The following PARD3B variants were observed in gnomAD, a reference collection of about 807,000 sequenced individuals.
The protein encoded by PARD3B is par-3 family cell polarity regulator beta.
A neutral mutation model predicts 130.2 loss-of-function variants in PARD3B; 103 were observed. That is an observed-to-expected ratio of 0.79 (90% confidence interval 0.67 to 0.93). PARD3B has a LOEUF of 0.93. Among genes scored for constraint, PARD3B ranks in the 40% least tolerant of loss-of-function variants. PARD3B has a pLI of 0.00. For missense variants in PARD3B, 1,609 were observed against 1,499.2 expected (o/e 1.07, Z -1.21); for synonymous variants, 583 against 553.2 (o/e 1.05, Z -0.76).
chr2:205,606,920 A>T (rs567883383), intron 22 of PARD3B, among the ~76,000 whole-genome samples: 2 of 152,226 alleles, frequency 1.3e-5, no homozygotes, highest in East Asian at 3.9e-4. Flanking sequence ...CTTGAGAGAA[A>T]TGTAGGCTCC....
intron 20 of PARD3B, among the ~76,000 whole-genome samples, chr2:205,451,667 A>G (rs2106197284): frequency 6.7e-6 from 1 of 148,172 alleles, no homozygotes; most frequent in Admixed American, 6.7e-5. Context: ...TTTATTTTTA[A>G]TTTTTGTGAT....
intron 1 of PARD3B, among the ~76,000 whole-genome samples, chr2:204,622,621 G>A (rs1216574735): frequency 1.3e-5 from 2 of 151,032 alleles, no homozygotes; most frequent in Non-Finnish European, 3.0e-5. Context: ...CTATTATATA[G>A]CCGTATTTAT....
rs1196043383 is a variant in PARD3B, at chr2:205,128,065, ACT to A, written c.1434+2332_1434+2333del. On this transcript the variant is annotated intron_variant, in intron 10 of 22. Coordinates refer to ENST00000406610, the MANE Select transcript of PARD3B (RefSeq NM_001302769.2). The surrounding 1 kb of genome is among the most constrained non-coding windows in gnomAD (Gnocchi z 4.5). Reference sequence around the variant, plus strand: ...GATATTTAGGTTGTTAGAAATAAAAACTCTCCAAAATCCTCAGTGGAACTATG... The same window carrying A: ...GATATTTAGGTTGTTAGAAATAAAAACTCCAAAATCCTCAGTGGAACTATG... Among the ~76,000 whole-genome samples, 1 of 152,160 alleles carries A rather than the reference ACT, an allele frequency of 6.6e-6. No individual in the cohort carries two copies. The highest frequency in any genetic ancestry group is 1.5e-5 in the Non-Finnish European group (1 of 68,036).
rs1240048242 is a variant in PARD3B, at chr2:205,616,147, T to C, written c.*334T>C. Reference sequence around the variant, plus strand: ...GGAACTCTACTCTGGGGATCCTCTCTGGCTAGATAACCTGTGCTGATGTGC... The same window carrying C: ...GGAACTCTACTCTGGGGATCCTCTCCGGCTAGATAACCTGTGCTGATGTGC... On this transcript the variant is annotated 3_prime_UTR_variant, in exon 23 of 23. Coordinates refer to ENST00000406610, the MANE Select transcript of PARD3B (RefSeq NM_001302769.2). 3.8e-6 allele frequency: 1 copy of C among 266,626 alleles called. No individual in the cohort carries two copies. The highest frequency in any genetic ancestry group is 9.0e-5 in the East Asian group (1 of 11,138). 16.5% of individuals were successfully genotyped at this position (266,626 alleles called of 1,614,324 possible).
intron 18 of PARD3B, among the ~76,000 whole-genome samples, chr2:205,364,932 T>C (rs1327321476): frequency 1.3e-5 from 2 of 152,178 alleles, no homozygotes; most frequent in African/African-American, 2.4e-5. Flanking sequence ...CCGGGTGTGG[T>C]GGCTCACGCC....
intron 15 of PARD3B, among the ~76,000 whole-genome samples, chr2:205,210,183 A>G (rs1346754906): frequency 6.6e-6 from 1 of 152,004 alleles, no homozygotes; most frequent in East Asian, 1.9e-4. Flanking sequence ...CTCAGCAACA[A>G]AGCAAGACCC....
intron 18 of PARD3B, among the ~76,000 whole-genome samples, chr2:205,320,826 C>G (rs142630250): frequency 2.6e-5 from 4 of 152,310 alleles, no homozygotes. Context: ...GAAAGTCTAG[C>G]TGGGCCAATA....
intron 11 of PARD3B, among the ~76,000 whole-genome samples, chr2:205,162,640 C>A (rs2125721639): frequency 6.6e-6 from 1 of 152,304 alleles, no homozygotes; most frequent in Non-Finnish European, 1.5e-5. Flanking sequence ...GTTACGACAT[C>A]CATGAGAATG....
At chr2:205,560,746 G>C (rs11675804) in intron 22 of PARD3B, among the ~76,000 whole-genome samples, 75,548 of 152,038 alleles carry the variant, frequency 0.5, 20,545 homozygotes, top group Middle Eastern at 0.69. Flanking sequence ...AGGTCTCTCT[G>C]AATATCTCAA....
chr2:205,036,854 G>C (rs144348076), intron 3 of PARD3B, among the ~76,000 whole-genome samples: 4 of 150,742 alleles, frequency 2.7e-5, no homozygotes, highest in African/African-American at 9.7e-5. Flanking sequence ...ATATATAGTG[G>C]ACTGTATATG....
At chr2:204,905,420 T>G (rs1163370714) in intron 2 of PARD3B, among the ~76,000 whole-genome samples, 1 of 152,226 alleles carries the variant, frequency 6.6e-6, no homozygotes, top group East Asian at 1.9e-4. Context: ...CATTTTTCTT[T>G]AAATGTGTTA....
At chr2:205,008,469 T>G (rs1695454308) in intron 3 of PARD3B, among the ~76,000 whole-genome samples, 1 of 152,178 alleles carries the variant, frequency 6.6e-6, no homozygotes, top group Non-Finnish European at 1.5e-5. Context: ...TGCCTTTCAC[T>G]GCCCTCAACA....
Position 205,187,603 on chromosome 2 carries a change from A to C in PARD3B, c.2024+1740A>C, listed in dbSNP as rs1257954457. ...CCTTCAAGGGAGAGAGGTGGTTCAG[A>C]GATCACCTGGGATTTAGCAACTGTC... On this transcript the variant is annotated intron_variant, in intron 14 of 22. Transcript: ENST00000406610. This position sits in a 1 kb window ranked among gnomAD's most constrained non-coding sequence, Gnocchi z 4.9. 6.6e-6 allele frequency among the ~76,000 whole-genome samples: 1 copy of C among 152,210 alleles called. No homozygotes were observed. Among genetic ancestry groups the C allele is most frequent in the Non-Finnish European group, 1.5e-5 (1 of 68,042 alleles).
At chr2:205,539,379 G>A (rs1454505569) in intron 21 of PARD3B, among the ~76,000 whole-genome samples, 1 of 152,164 alleles carries the variant, frequency 6.6e-6, no homozygotes, top group Admixed American at 6.5e-5. Context: ...TAATATGTAT[G>A]TAGGAACTAG....
At chr2:205,577,443 A>T (rs1293620136) in intron 22 of PARD3B, among the ~76,000 whole-genome samples, 1 of 152,204 alleles carries the variant, frequency 6.6e-6, no homozygotes, top group Non-Finnish European at 1.5e-5. Context: ...TTAACCTTAA[A>T]AGTGTGGTAG....
At chr2:204,735,977 A>G (rs996657977) in intron 2 of PARD3B, among the ~76,000 whole-genome samples, 4 of 152,312 alleles carry the variant, frequency 2.6e-5, no homozygotes, top group South Asian at 4.1e-4. Context: ...TGAAATATAA[A>G]TATACCCTTC....
chr2:205,115,106 T>G (rs1396475705), intron 6 of PARD3B, among the ~76,000 whole-genome samples: 1 of 152,138 alleles, frequency 6.6e-6, no homozygotes, highest in Non-Finnish European at 1.5e-5. Flanking sequence ...AAATATACAG[T>G]GTGACAGTCA....
At position 204,953,056 on chromosome 2, in the gene PARD3B, G is replaced by A. The variant is rs1024153809; in HGVS notation, c.223-12096G>A. Among the ~76,000 whole-genome samples the A allele has an allele frequency of 4.5e-5, 6 of 132,968 alleles. No homozygotes were observed. In the East Asian group the frequency reaches 9.4e-4, roughly 21 times the overall value. 87.2% of individuals were successfully genotyped at this position (132,968 alleles called of 152,430 possible). A position where few individuals can be genotyped will look rare whatever the true frequency, so the allele number is the denominator to read the frequency against. On this transcript the variant is annotated intron_variant, in intron 2 of 22. Transcript: ENST00000406610. Reference sequence around the variant, plus strand: ...TATATATGTATATATGTATATATACGTATATATATAGAGAGAGAGGGAGAG... The same window carrying A: ...TATATATGTATATATGTATATATACATATATATATAGAGAGAGAGGGAGAG...
intron 1 of PARD3B, among the ~76,000 whole-genome samples, chr2:204,590,453 G>C (rs567580369): frequency 6.6e-6 from 1 of 152,258 alleles, no homozygotes; most frequent in South Asian, 2.1e-4. Context: ...CTGTCTTTAT[G>C]CATACTCTCC....
Sources: gnomAD v4.1 joint callset for allele counts (sites outside exome capture counted in the v4.1 genomes callset) on GRCh38, gnomAD v4.1.1 for gene constraint, Gnocchi (gnomAD v3.1) non-coding constraint, MANE v1.5 for transcripts, NCBI Gene and HGNC (gene_info 2026-07-23, HGNC 2026-07-21) for gene names.